The following ARSH variants were observed in gnomAD, a reference collection of about 807,000 sequenced individuals.
ARSH encodes the protein arylsulfatase H.
A neutral mutation model predicts 28.7 loss-of-function variants in ARSH; 32 were observed. The ratio of observed to expected loss-of-function variants is 1.11; its 90% CI spans 0.84 to 1.50. The LOEUF (loss-of-function observed/expected upper bound fraction) is 1.50, where lower values mean the gene tolerates loss of function less well. Among genes scored for constraint, ARSH ranks in the 40% most tolerant of loss-of-function variants. The probability of loss-of-function intolerance (pLI) is 0.00; values close to 1 mark genes in which losing one functional copy is unlikely to be tolerated. For missense variants in ARSH, 440 were observed against 452.4 expected (o/e 0.97, Z 0.25); for synonymous variants, 176 against 177.3 (o/e 0.99, Z 0.06).
chrX:3,016,871 A>G (rs1345739538), intron 4 of ARSH, among the ~76,000 whole-genome samples: 2 of 111,586 alleles, frequency 1.8e-5, no homozygotes, highest in African/African-American at 6.5e-5. Context: ...GGTGTGAGCC[A>G]TTGTGCCCAG....
At chrX:3,028,553 C>T (rs1805344214) in intron 7 of ARSH, among the ~76,000 whole-genome samples, 1 of 110,379 alleles carries the variant, frequency 9.1e-6, no homozygotes, top group Admixed American at 9.7e-5. Context: ...TGTGCTTTAA[C>T]GATTTAATTC....
At position 3,010,047 on chromosome X, in the gene ARSH, G is replaced by A. The variant is rs148011020; in HGVS notation, c.110G>A (p.Arg37His). Reference sequence around the variant, plus strand: ...GTCTGCAGCACACCTAATATTGACCGCCTGGCAAGTGAAGGAGTGAGGCTT... The same window carrying A: ...GTCTGCAGCACACCTAATATTGACCACCTGGCAAGTGAAGGAGTGAGGCTT... The part of the protein sequence containing the change: ...NNSVSTPNID[R>H]LASEGVRLTQ... The change falls in exon 2 of 9, where the codon CGC becomes CAC. Residue 37 changes from arginine to histidine, a missense_variant. Transcript: ENST00000381130. The A allele has an allele frequency of 2.4e-3, 2,842 of 1,208,893 alleles. 49 individuals are homozygous for A. The African/African-American group carries it at 0.042, about 18-fold the overall frequency.
At chrX:3,020,364 CG>C (rs2147457345) in intron 5 of ARSH, among the ~76,000 whole-genome samples, 1 of 98,470 alleles carries the variant, frequency 1.0e-5, no homozygotes, top group East Asian at 3.2e-4. Flanking sequence ...CCGAGGCGGG[CG>C]GATCACAAAG....
chrX:3,007,089 A>C (rs191518472), intron 1 of ARSH, among the ~76,000 whole-genome samples: 1 of 100,029 alleles, frequency 1.0e-5, no homozygotes, highest in Non-Finnish European at 1.9e-5. Flanking sequence ...AAAAATAATA[A>C]AAAAAAAAAT....
At chrX:3,027,498 T>C in intron 7 of ARSH, 23 bp downstream of exon 7, 1 of 1,188,986 alleles carries the variant, frequency 8.4e-7, no homozygotes, top group African/African-American at 1.7e-5. Context: ...TGTTTGCTCC[T>C]AACCTAGGGT....
At chrX:3,007,936 G>A (rs1390378483) in intron 1 of ARSH, among the ~76,000 whole-genome samples, 4 of 111,274 alleles carry the variant, frequency 3.6e-5, no homozygotes, top group Non-Finnish European at 7.5e-5. Flanking sequence ...CAGTCCTATT[G>A]GATAAGGGTC....
chrX:3,010,506 C>A (rs1021728656), intron 2 of ARSH, among the ~76,000 whole-genome samples: 7 of 111,436 alleles, frequency 6.3e-5, no homozygotes, highest in African/African-American at 2.3e-4. Context: ...GGATCAAATC[C>A]ACCTCTGTGG....
intron 4 of ARSH, among the ~76,000 whole-genome samples, chrX:3,018,248 C>T (rs1324722184): frequency 8.9e-6 from 1 of 111,954 alleles, no homozygotes; most frequent in Non-Finnish European, 1.9e-5. Context: ...ATGCTCCTGC[C>T]TCAGCCTCCC....
intron 5 of ARSH, among the ~76,000 whole-genome samples, chrX:3,020,186 G>A (rs1422075106): frequency 1.0e-5 from 1 of 100,215 alleles, no homozygotes; most frequent in Non-Finnish European, 2.0e-5. Flanking sequence ...CAGCTACCTA[G>A]GAGGCTGAGG....
At chrX:3,010,180 C>A (rs2147451874) in intron 2 of ARSH, 29 bp downstream of exon 2, 1 of 1,194,500 alleles carries the variant, frequency 8.4e-7, no homozygotes. Flanking sequence ...AGCAACATTT[C>A]AGTCTCACCA....
chrX:3,032,843 CA>C (rs753220608), intron 8 of ARSH, among the ~76,000 whole-genome samples, 174 bp from the exon 9 acceptor site: 4 of 112,002 alleles, frequency 3.6e-5, no homozygotes, highest in Non-Finnish European at 5.6e-5. Context: ...TGCAAGTTTG[CA>C]GTGAAATTGT....
intron 3 of ARSH, among the ~76,000 whole-genome samples, chrX:3,014,114 A>G (rs1339184704): frequency 2.7e-5 from 3 of 111,049 alleles, no homozygotes; most frequent in Non-Finnish European, 5.7e-5. Flanking sequence ...ATAAAATGTT[A>G]AAATTAGCTG....
chrX:3,029,402 G>C, intron 8 of ARSH, 34 bp downstream of exon 8: 1 of 1,189,154 alleles, frequency 8.4e-7, no homozygotes. Flanking sequence ...GTGGAAAGAC[G>C]ATAAGGGCCC....
At chrX:3,032,963 G>T in intron 8 of ARSH, 55 bp from the exon 9 acceptor site, 1 of 1,139,637 alleles carries the variant, frequency 8.8e-7, no homozygotes. Flanking sequence ...TTAACGAAAA[G>T]AGTCCTAAAA....
At chrX:3,025,014 G>A (rs1394222663) in intron 6 of ARSH, among the ~76,000 whole-genome samples, 1 of 110,564 alleles carries the variant, frequency 9.0e-6, no homozygotes, top group East Asian at 2.8e-4. Flanking sequence ...CTGTGTGTGT[G>A]TGTCTTATAT....
intron 2 of ARSH, among the ~76,000 whole-genome samples, chrX:3,012,594 T>TA (rs1175800068): frequency 0.051 from 1,245 of 24,379 alleles, 54 homozygotes; most frequent in East Asian, 0.14. Context: ...TATATATATA[T>TA]ATATAATATA....
chrX:3,008,501 CTTTCT>C (rs1309791913), intron 1 of ARSH, among the ~76,000 whole-genome samples: 2 of 93,438 alleles, frequency 2.1e-5, no homozygotes, highest in Non-Finnish European at 4.3e-5. Context: ...TTCTTTCTTT[CTTTCT>C]TTCTTTCTTC....
intron 8 of ARSH, among the ~76,000 whole-genome samples, chrX:3,032,262 C>T (rs752132302): frequency 5.4e-4 from 59 of 109,525 alleles, no homozygotes; most frequent in South Asian, 8.0e-4. Context: ...CCAGCCTGGG[C>T]GACAGAGTGA....
intron 2 of ARSH, among the ~76,000 whole-genome samples, chrX:3,012,276 A>T (rs903712283): frequency 9.3e-6 from 1 of 107,849 alleles, no homozygotes; most frequent in African/African-American, 3.4e-5. Flanking sequence ...GGTGGCTCAC[A>T]TCTTTAATCC....
Sources: allele counts gnomAD v4.1 joint callset (sites outside exome capture counted in the v4.1 genomes callset), GRCh38; gene constraint gnomAD v4.1.1; transcripts MANE v1.5; gene names NCBI Gene and HGNC (gene_info 2026-07-23, HGNC 2026-07-21).